The following RBM20 variants were observed in gnomAD, a reference collection of about 807,000 sequenced individuals.
RBM20 encodes the protein RNA binding motif protein 20, also known as RNA-binding protein 20.
RBM20 carries 51 observed loss-of-function variants against 110.1 expected under a neutral mutation model. The ratio of observed to expected loss-of-function variants is 0.46; its 90% confidence interval spans 0.37 to 0.59. RBM20 has a LOEUF of 0.59. RBM20 is among the 20% of genes least tolerant of loss of function. RBM20 has a pLI of 0.00. For missense variants in RBM20, 1,512 were observed against 1,574.9 expected, an observed-to-expected ratio of 0.96 and a Z score of 0.68; for synonymous variants, 589 against 618.2, an observed-to-expected ratio of 0.95 and a Z score of 0.70.
rs1295218395 is a variant in RBM20 at position 110,739,437 on chromosome 10, A to G, written c.192-41364A>G. 1.3e-5 allele frequency among the ~76,000 whole-genome samples: 2 copies of G among 152,096 alleles called. No individual in the cohort carries two copies. Among genetic ancestry groups the G allele is most frequent in the South Asian group, 2.1e-4 (1 of 4,820 alleles). On this transcript the variant is annotated intron_variant, in intron 1 of 13. Coordinates refer to ENST00000369519, the MANE Select transcript of RBM20 (RefSeq NM_001134363.3). This position sits in a 1 kb window ranked among gnomAD's most constrained non-coding sequence, Gnocchi z 4.1. ...CTCTTAATGTTTATATTCATCCAAA[A>G]TTTTCTTTCAAAATGGATTGTTTTG... is the stretch of plus-strand genomic sequence containing the variant.
At chr10:110,819,483 T>C (rs1844880781) in intron 9 of RBM20, among the ~76,000 whole-genome samples, 1 of 152,222 alleles carries the variant, frequency 6.6e-6, no homozygotes, top group East Asian at 1.9e-4. Flanking sequence ...TGCTTTCAAT[T>C]GTTCAGTTTC....
intron 1 of RBM20, among the ~76,000 whole-genome samples, chr10:110,710,952 C>T (rs1862917340): frequency 6.6e-6 from 1 of 152,040 alleles, no homozygotes; most frequent in South Asian, 2.1e-4. Context: ...ATGAGACACA[C>T]CCCTAGAAGG....
At chr10:110,784,692 A>T in intron 4 of RBM20, 100 bp from the exon 5 acceptor site, 3 of 806,862 alleles carry the variant, frequency 3.7e-6, no homozygotes. Context: ...ATAATATGTG[A>T]AGGGGAAAGG....
intron 12 of RBM20, among the ~76,000 whole-genome samples, chr10:110,828,133 A>G (rs1448995732): frequency 1.3e-5 from 2 of 152,196 alleles, no homozygotes; most frequent in African/African-American, 4.8e-5. Flanking sequence ...TCCCAGCTTT[A>G]CTAGGATGAC....
chr10:110,697,492 A>G (rs1002940839), intron 1 of RBM20, among the ~76,000 whole-genome samples: 4 of 152,272 alleles, frequency 2.6e-5, no homozygotes, highest in African/African-American at 9.6e-5. Context: ...AGCCAGGCCC[A>G]TGCCAAGAGC....
At chr10:110,683,452 A>G (rs1432627014) in intron 1 of RBM20, among the ~76,000 whole-genome samples, 2 of 152,194 alleles carry the variant, frequency 1.3e-5, no homozygotes, top group Non-Finnish European at 2.9e-5. Context: ...TTTCTCGTAA[A>G]TGCTAGGTCA....
chr10:110,645,217 G>A (rs903328674), intron 1 of RBM20, among the ~76,000 whole-genome samples: 1 of 152,164 alleles, frequency 6.6e-6, no homozygotes, highest in South Asian at 2.1e-4. Context: ...CTTGTGACTC[G>A]GGTGACCTGT....
intron 1 of RBM20, among the ~76,000 whole-genome samples, chr10:110,759,515 A>G (rs1843967833): frequency 6.6e-6 from 1 of 152,180 alleles, no homozygotes; most frequent in Non-Finnish European, 1.5e-5. Context: ...TACATGCCAT[A>G]TATGCATTGG....
At chr10:110,644,001 T>C (rs1861826108), upstream of RBM20, among the ~76,000 whole-genome samples, 1 of 152,202 alleles carries the variant, frequency 6.6e-6, no homozygotes, top group Admixed American at 6.5e-5. This position sits in a 1 kb window ranked among gnomAD's most constrained non-coding sequence, Gnocchi z 4.3. Flanking sequence ...GGCTCCCGGG[T>C]GGAGCGAGAG....
At chr10:110,732,001 GCT>G (rs1434353187) in intron 1 of RBM20, among the ~76,000 whole-genome samples, 2 of 152,134 alleles carry the variant, frequency 1.3e-5, no homozygotes, top group African/African-American at 4.8e-5. Flanking sequence ...CACCTCTAGA[GCT>G]CTTTCTTGTC....
At chr10:110,822,745 G>A (rs1000137076) in intron 11 of RBM20, among the ~76,000 whole-genome samples, 11 of 152,254 alleles carry the variant, frequency 7.2e-5, no homozygotes, top group African/African-American at 2.6e-4. Flanking sequence ...TTCAACCCAG[G>A]GCCCTGTGGG....
At chr10:110,816,550 C>T (rs1281482259) in intron 9 of RBM20, among the ~76,000 whole-genome samples, 1 of 152,138 alleles carries the variant, frequency 6.6e-6, no homozygotes, top group Non-Finnish European at 1.5e-5. Flanking sequence ...CCTCCTCTCC[C>T]TCCCTGCTTT....
At chr10:110,732,294 G>A (rs993635831) in intron 1 of RBM20, among the ~76,000 whole-genome samples, 5 of 151,976 alleles carry the variant, frequency 3.3e-5, no homozygotes, top group African/African-American at 1.2e-4. Context: ...TTTCTCTGAC[G>A]CGCTGTCAGT....
At chr10:110,644,079 G>C (rs1861827524), upstream of RBM20, among the ~76,000 whole-genome samples, 1 of 152,186 alleles carries the variant, frequency 6.6e-6, no homozygotes. The surrounding 1 kb of genome is among the most constrained non-coding windows in gnomAD (Gnocchi z 4.3). Flanking sequence ...TGGAACGCTG[G>C]GCTACGGACC....
At chr10:110,680,275 G>A (rs891078065) in intron 1 of RBM20, among the ~76,000 whole-genome samples, 3 of 152,124 alleles carry the variant, frequency 2.0e-5, no homozygotes, top group African/African-American at 4.8e-5. Context: ...AGATGGAGTC[G>A]AAAGAATTTT....
At chr10:110,808,973 G>A (rs963353971) in intron 7 of RBM20, among the ~76,000 whole-genome samples, 1 of 152,068 alleles carries the variant, frequency 6.6e-6, no homozygotes, top group Non-Finnish European at 1.5e-5. Flanking sequence ...CCTGCACTTT[G>A]AGAGGCCAAG....
intron 9 of RBM20, among the ~76,000 whole-genome samples, chr10:110,816,183 C>T (rs779788402): frequency 1.3e-5 from 2 of 151,916 alleles, no homozygotes; most frequent in African/African-American, 2.4e-5. Flanking sequence ...TTGCTCCTCA[C>T]CTCCTTCGTC....
At position 110,781,073 on chromosome 10, in the gene RBM20, ATGC is replaced by A. The variant is rs1231520936; in HGVS notation, c.468_470del (p.Ala158del). On this transcript the variant is annotated inframe_deletion, in exon 2 of 14. Coordinates refer to ENST00000369519, the MANE Select transcript of RBM20 (RefSeq NM_001134363.3). ...CACGGCCATGCTGGGGTTCCCCAAC[ATGC>A]TGCAGCCATACCCAGTACCCGGTTT... is the stretch of plus-strand genomic sequence containing the variant. The A allele has an allele frequency of 6.4e-6, 10 of 1,551,742 alleles. No individual in the cohort carries two copies. Among genetic ancestry groups the A allele is most frequent in the Non-Finnish European group, 7.8e-6 (9 of 1,147,026 alleles).
chr10:110,672,718 GCCAGTGCCC>G (rs1302318779), intron 1 of RBM20, among the ~76,000 whole-genome samples: 31 of 152,342 alleles, frequency 2.0e-4, no homozygotes, highest in Non-Finnish European at 1.0e-4. Context: ...CTTTTGGAGT[GCCAGTGCCC>G]CCAGAGTGCT....
Sources: gnomAD v4.1 joint callset for allele counts (sites outside exome capture counted in the v4.1 genomes callset) on GRCh38, gnomAD v4.1.1 for gene constraint, Gnocchi (gnomAD v3.1) non-coding constraint, MANE v1.5 for transcripts, NCBI Gene and HGNC (gene_info 2026-07-23, HGNC 2026-07-21) for gene names.